Variants in VPS13B observed in about 807,000 individuals in gnomAD.
The protein encoded by VPS13B is vacuolar protein sorting 13 homolog B, also known as intermembrane lipid transfer protein VPS13B.
VPS13B carries 285 observed loss-of-function variants against 426.4 expected under a neutral mutation model. That is an observed-to-expected ratio of 0.67 (90% confidence interval 0.61 to 0.74). The LOEUF is 0.74. Ranked by LOEUF, VPS13B falls within the 30% of genes least tolerant of loss-of-function variation. VPS13B has a pLI of 0.00. For missense variants in VPS13B, 4,537 were observed against 4,782.6 expected (o/e 0.95, Z 1.51); for synonymous variants, 1,676 against 1,676.4 (o/e 1.00, Z 0.01).
chr8:99,559,439 T>C (rs1429201427), intron 31 of VPS13B, among the ~76,000 whole-genome samples: 1 of 152,256 alleles, frequency 6.6e-6, no homozygotes, highest in African/African-American at 2.4e-5. Context: ...TTTTCGCTTT[T>C]GTTGCCATTG....
chr8:99,486,805 C>T (rs904246750), intron 25 of VPS13B, among the ~76,000 whole-genome samples: 1 of 152,130 alleles, frequency 6.6e-6, no homozygotes, highest in African/African-American at 2.4e-5. Flanking sequence ...GTTACCCTGA[C>T]TTTGTGTTTC....
chr8:99,528,145 T>G (rs1822747731), intron 30 of VPS13B, among the ~76,000 whole-genome samples: 1 of 152,068 alleles, frequency 6.6e-6, no homozygotes, highest in Non-Finnish European at 1.5e-5. Flanking sequence ...ATATTATACT[T>G]CCTATGTCTT....
chr8:99,640,099 AAGAAAAGAAAAGAAG>A (rs1187723331), intron 33 of VPS13B, among the ~76,000 whole-genome samples: 2 of 141,566 alleles, frequency 1.4e-5, no homozygotes, highest in Non-Finnish European at 1.5e-5. Context: ...AAGAAAAGAA[AAGAAAAGAAAAGAAG>A]AAGAAGCAAT....
chr8:99,485,678 T>C (rs1820262714), intron 25 of VPS13B, among the ~76,000 whole-genome samples: 1 of 152,180 alleles, frequency 6.6e-6, no homozygotes, highest in Non-Finnish European at 1.5e-5. Context: ...GTTGTTGACA[T>C]GATAGTGTGG....
intron 25 of VPS13B, among the ~76,000 whole-genome samples, chr8:99,498,967 A>G (rs1821084593): frequency 6.6e-6 from 1 of 152,142 alleles, no homozygotes; most frequent in Non-Finnish European, 1.5e-5. Flanking sequence ...TTTTGATAAG[A>G]TAGAGTAGCA....
intron 19 of VPS13B, among the ~76,000 whole-genome samples, chr8:99,316,298 G>A (rs1809654599): frequency 6.6e-6 from 1 of 152,214 alleles, no homozygotes; most frequent in South Asian, 2.1e-4. Context: ...CTTAGTGGCA[G>A]CGGAGGGCAG....
intron 39 of VPS13B, among the ~76,000 whole-genome samples, chr8:99,756,062 T>A (rs1810625862): frequency 6.6e-6 from 1 of 152,046 alleles, no homozygotes; most frequent in African/African-American, 2.4e-5. Context: ...CTGTTTTAAA[T>A]GTATTCAAAG....
At chr8:99,707,414 C>A (rs1321384110) in intron 36 of VPS13B, among the ~76,000 whole-genome samples, 2 of 152,114 alleles carry the variant, frequency 1.3e-5, no homozygotes, top group Non-Finnish European at 2.9e-5. Flanking sequence ...ATTCCTTTCC[C>A]CAAAATCACA....
At chr8:99,238,252 G>A (rs1816743169) in intron 17 of VPS13B, among the ~76,000 whole-genome samples, 1 of 151,930 alleles carries the variant, frequency 6.6e-6, no homozygotes, top group Non-Finnish European at 1.5e-5. Context: ...GTGTGTGTGT[G>A]TGTGTGTGTG....
chr8:99,681,589 G>A lies in VPS13B; in HGVS notation c.6047-17936G>A, dbSNP rs150766882. Among the ~76,000 whole-genome samples, 227 of 152,284 alleles carry A rather than the reference G, an allele frequency of 1.5e-3. 1 individual carries two copies. The highest frequency in any genetic ancestry group is 2.6e-3 in the Non-Finnish European group (178 of 68,040). On this transcript the variant is annotated intron_variant, in intron 35 of 61. Transcript: ENST00000357162. Reference sequence around the variant, plus strand: ...ATTAAACCTTAACAGAATCATGTGAGTCTAGGAGTTTGAGTCTGCAGTGAG... The same window carrying A: ...ATTAAACCTTAACAGAATCATGTGAATCTAGGAGTTTGAGTCTGCAGTGAG...
intron 33 of VPS13B, among the ~76,000 whole-genome samples, chr8:99,592,321 C>T (rs560475954): frequency 6.6e-6 from 1 of 152,180 alleles, no homozygotes; most frequent in Non-Finnish European, 1.5e-5. Flanking sequence ...CTTCTGTCAG[C>T]TCGTCAAAGT....
At chr8:99,759,833 A>G (rs1810836545) in intron 39 of VPS13B, among the ~76,000 whole-genome samples, 1 of 152,176 alleles carries the variant, frequency 6.6e-6, no homozygotes, top group Non-Finnish European at 1.5e-5. Context: ...ATTAATTAGT[A>G]TGTCCCAAGA....
At chr8:99,081,489 T>TATGTATAC (rs1845453766) in intron 3 of VPS13B, among the ~76,000 whole-genome samples, 1 of 152,094 alleles carries the variant, frequency 6.6e-6, no homozygotes, top group South Asian at 2.1e-4. Context: ...GTTTGTTACA[T>TATGTATAC]ATGTATACAT....
At chr8:99,751,888 G>A (rs1312708689) in intron 39 of VPS13B, among the ~76,000 whole-genome samples, 1 of 152,166 alleles carries the variant, frequency 6.6e-6, no homozygotes, top group Non-Finnish European at 1.5e-5. Flanking sequence ...ATGACATGAA[G>A]AGGACCAGCT....
intron 30 of VPS13B, among the ~76,000 whole-genome samples, chr8:99,549,604 C>G (rs142340576): frequency 6.6e-6 from 1 of 152,084 alleles, no homozygotes; most frequent in African/African-American, 2.4e-5. Flanking sequence ...CTATTTGGCA[C>G]GGGATAAAAT....
Position 99,539,696 on chromosome 8 carries a change from C to T in VPS13B, c.4746-16754C>T, listed in dbSNP as rs578005898. Among the ~76,000 whole-genome samples, 4 of 151,976 alleles carry T rather than the reference C, an allele frequency of 2.6e-5. No individual in the cohort carries two copies. In the South Asian group the frequency reaches 8.3e-4, roughly 32 times the overall value. On this transcript the variant is annotated intron_variant, in intron 30 of 61. Coordinates refer to ENST00000357162, the MANE Select transcript of VPS13B (RefSeq NM_152564.5). ...AAGATTGCAATGAGCTATGATCATG[C>T]CACTGCACTCCAATCTGGGCAACAG... is the stretch of plus-strand genomic sequence containing the variant.
At position 99,494,932 on chromosome 8, in the gene VPS13B, G is replaced by GT. The variant is rs149517222; in HGVS notation, c.3871-6745dup. On this transcript the variant is annotated intron_variant, in intron 25 of 61. Coordinates refer to ENST00000357162, the MANE Select transcript of VPS13B (RefSeq NM_152564.5). ...CCATGTTAGTTGTACTTTTTATACT[G>GT]TTTTTTTTTTCTATCTTAAATATTT... 8.2e-3 allele frequency among the ~76,000 whole-genome samples: 1,209 copies of GT among 146,926 alleles called. 11 individuals are homozygous for GT. The highest frequency in any genetic ancestry group is 0.028 in the African/African-American group (1,120 of 40,352).
At chr8:99,182,601 A>C (rs1304172087) in intron 16 of VPS13B, among the ~76,000 whole-genome samples, 2 of 152,346 alleles carry the variant, frequency 1.3e-5, no homozygotes, top group African/African-American at 4.8e-5. Context: ...ATATGAGTTA[A>C]GCAATTCTTA....
chr8:99,450,528 C>T (rs546755408), intron 23 of VPS13B, among the ~76,000 whole-genome samples: 1 of 152,182 alleles, frequency 6.6e-6, no homozygotes, highest in South Asian at 2.1e-4. Context: ...TCCTAGCCAA[C>T]GTGGTGAAAC....
Sources: allele counts gnomAD v4.1 joint callset (sites outside exome capture counted in the v4.1 genomes callset), GRCh38; gene constraint gnomAD v4.1.1; transcripts MANE v1.5; gene names NCBI Gene and HGNC (gene_info 2026-07-23, HGNC 2026-07-21).